The following STAG2 variants were observed in gnomAD, a reference collection of about 807,000 sequenced individuals.
STAG2 encodes the protein STAG2 cohesin complex component, also known as cohesin subunit SA-2.
STAG2 carries 14 observed loss-of-function variants against 108.1 expected under a neutral mutation model. That is an observed-to-expected ratio of 0.13 (90% CI 0.09 to 0.20). STAG2 has a LOEUF of 0.20. STAG2 is among the 10% of genes least tolerant of loss of function. The probability of loss-of-function intolerance (pLI) is 1.00; values close to 1 mark genes in which losing one functional copy is unlikely to be tolerated. For missense variants in STAG2, 440 were observed against 940.9 expected (o/e 0.47, Z 6.96); for synonymous variants, 307 against 302.7 (o/e 1.01, Z -0.15).
chrX:124,050,862 A>G (rs1277318406), intron 11 of STAG2, among the ~76,000 whole-genome samples: 1 of 111,673 alleles, frequency 9.0e-6, no homozygotes, highest in East Asian at 2.8e-4. Flanking sequence ...ATTGTTTTTC[A>G]CAATAGATTT....
chrX:123,993,729 AG>A (rs1286845410), intron 1 of STAG2, among the ~76,000 whole-genome samples: 1 of 111,696 alleles, frequency 9.0e-6, no homozygotes, highest in African/African-American at 3.3e-5. Flanking sequence ...CACCTATATT[AG>A]GGGATTTATG....
At chrX:124,090,159 T>TGAAA (rs1157850952) in intron 30 of STAG2, among the ~76,000 whole-genome samples, 1 of 11,964 alleles carries the variant, frequency 8.4e-5, no homozygotes, top group Non-Finnish European at 1.4e-4. Context: ...AGACTCTGTC[T>TGAAA]CAAAAAAAAA....
chrX:124,067,923 T>G (rs1378147946), intron 23 of STAG2, among the ~76,000 whole-genome samples: 1 of 110,111 alleles, frequency 9.1e-6, no homozygotes, highest in Non-Finnish European at 1.9e-5. Context: ...TCTCAGCTAC[T>G]CAGGATGCTG....
At chrX:123,981,516 T>C (rs1389293530) in intron 1 of STAG2, among the ~76,000 whole-genome samples, 1 of 112,122 alleles carries the variant, frequency 8.9e-6, no homozygotes, top group African/African-American at 3.2e-5. Context: ...TTCCATTGTA[T>C]GTATATACCA....
At chrX:124,044,094 C>T (rs957577459) in intron 7 of STAG2, among the ~76,000 whole-genome samples, 2 of 110,877 alleles carry the variant, frequency 1.8e-5, no homozygotes, top group Non-Finnish European at 3.8e-5. Flanking sequence ...CTTTGATGAT[C>T]GCTAAGTGCT....
intron 1 of STAG2, among the ~76,000 whole-genome samples, chrX:124,016,091 G>T (rs1314486596): frequency 8.9e-6 from 1 of 111,825 alleles, no homozygotes; most frequent in Non-Finnish European, 1.9e-5. Context: ...AATATGAATA[G>T]ATTTTAGCAG....
chrX:124,082,915 GGTT>G (rs769259832), intron 28 of STAG2, among the ~76,000 whole-genome samples: 2 of 110,378 alleles, frequency 1.8e-5, no homozygotes, highest in Non-Finnish European at 3.8e-5. Context: ...TATAATGTTG[GGTT>G]GTTATTTTGA....
intron 1 of STAG2, among the ~76,000 whole-genome samples, chrX:123,966,655 C>T (rs1271131057): frequency 9.0e-6 from 1 of 110,996 alleles, no homozygotes; most frequent in Non-Finnish European, 1.9e-5. Flanking sequence ...CTTGAGTTGA[C>T]TGCTTTACGT....
chrX:124,043,371 G>A (rs191208348), intron 7 of STAG2, among the ~76,000 whole-genome samples: 15 of 110,586 alleles, frequency 1.4e-4, no homozygotes, highest in African/African-American at 4.6e-4. Context: ...GGCTGGTCTC[G>A]AACTCATTAC....
At chrX:124,035,327 A>G (rs761424571) in intron 5 of STAG2, among the ~76,000 whole-genome samples, 1 of 112,109 alleles carries the variant, frequency 8.9e-6, no homozygotes, top group African/African-American at 3.2e-5. Flanking sequence ...TTTTTATTAT[A>G]GCAGACTTAT....
In STAG2 at chrX:124,100,666, A is replaced by G. The variant is rs1050280955; in HGVS notation, c.*69A>G. On this transcript the variant is annotated 3_prime_UTR_variant, in exon 35 of 35. Transcript: ENST00000371145. ...GGAAGAGGAAATTTTAAAGTGTGGT[A>G]GATACAGTGAAATTCTGTACAGATT... 5.5e-6 allele frequency: 5 copies of G among 902,769 alleles called. No individual in the cohort carries two copies. The South Asian group carries it at 1.1e-4, about 20-fold the overall frequency. 74.4% of individuals were successfully genotyped at this position (902,769 alleles called of 1,213,427 possible).
chrX:123,966,630 T>G (rs2054108098), intron 1 of STAG2, among the ~76,000 whole-genome samples: 1 of 111,388 alleles, frequency 9.0e-6, no homozygotes, highest in Non-Finnish European at 1.9e-5. Context: ...AATTATCAGT[T>G]TGATTTTTCA....
chrX:124,068,241 T>C (rs901735186), intron 23 of STAG2, among the ~76,000 whole-genome samples: 1 of 111,472 alleles, frequency 9.0e-6, no homozygotes, highest in African/African-American at 3.3e-5. Context: ...CGTAAATCTT[T>C]ATTAGCATTC....
chrX:123,987,094 G>A (rs1174621177), intron 1 of STAG2, among the ~76,000 whole-genome samples: 1 of 110,734 alleles, frequency 9.0e-6, no homozygotes, highest in African/African-American at 3.3e-5. Context: ...CTGGGTTCAA[G>A]CGATTCTCCT....
intron 1 of STAG2, among the ~76,000 whole-genome samples, chrX:123,996,745 G>A (rs2055754990): frequency 8.9e-6 from 1 of 111,859 alleles, no homozygotes; most frequent in African/African-American, 3.2e-5. Flanking sequence ...TTTTATTACT[G>A]AGTAGTATTC....
At chrX:123,963,462 TC>T (rs998082537) in intron 1 of STAG2, 1 of 111,721 alleles carries the variant, frequency 9.0e-6, no homozygotes, top group Non-Finnish European at 1.9e-5. Flanking sequence ...TTCAACATTT[TC>T]AACCACTTAA....
chrX:123,972,772 A>G (rs1237750073), intron 1 of STAG2, among the ~76,000 whole-genome samples: 1 of 98,537 alleles, frequency 1.0e-5, no homozygotes, highest in African/African-American at 3.8e-5. Context: ...TATTCCCAGC[A>G]CTTTGGGAGG....
intron 29 of STAG2, 105 bp from the exon 30 acceptor site, chrX:124,086,442 G>A: frequency 1.8e-6 from 1 of 557,394 alleles, no homozygotes; most frequent in African/African-American, 2.3e-5. Flanking sequence ...GTCCTGTAAG[G>A]CTGAGTTTGA....
chrX:124,008,104 T>C (rs973504470), intron 1 of STAG2, among the ~76,000 whole-genome samples: 5 of 111,583 alleles, frequency 4.5e-5, no homozygotes, highest in African/African-American at 1.6e-4. Flanking sequence ...TAAAATGACA[T>C]GATAATGGCA....
Sources: gnomAD v4.1 joint callset for allele counts (sites outside exome capture counted in the v4.1 genomes callset) on GRCh38, gnomAD v4.1.1 for gene constraint, MANE v1.5 for transcripts, NCBI Gene and HGNC (gene_info 2026-07-23, HGNC 2026-07-21) for gene names.